The following DYNC1H1 variants were observed in gnomAD, a reference collection of about 807,000 sequenced individuals.
DYNC1H1 encodes the protein dynein cytoplasmic 1 heavy chain 1, also known as cytoplasmic dynein 1 heavy chain 1.
In DYNC1H1, 51 loss-of-function variants were observed where a neutral mutation model predicts 527.1. The ratio of observed to expected loss-of-function variants is 0.10; its 90% CI spans 0.08 to 0.12. The LOEUF is 0.12. DYNC1H1 is among the 10% of genes least tolerant of loss of function. The pLI is 1.00. For missense variants in DYNC1H1, 2,771 were observed against 5,971.8 expected (o/e 0.46, Z 17.66); for synonymous variants, 2,189 against 2,278.8 (o/e 0.96, Z 1.12).
chr14:101,993,038 C>G (rs2048016237), intron 11 of DYNC1H1, among the ~76,000 whole-genome samples: 1 of 151,848 alleles, frequency 6.6e-6, no homozygotes. Flanking sequence ...CCAGGCTTGT[C>G]TGGGCAGCTA....
In DYNC1H1 at chr14:102,050,875, G is replaced by A. The variant is rs566365689; in HGVS notation, c.*312G>A. On this transcript the variant is annotated 3_prime_UTR_variant, in exon 78 of 78. Coordinates refer to ENST00000360184, the MANE Select transcript of DYNC1H1 (RefSeq NM_001376.5). ...ATGCTGCCCAGGGAGGGCAGCCCAC[G>A]GCAGCCATGCCCCTCCCCACCTCGC... The A allele has an allele frequency of 5.4e-5, 21 of 392,160 alleles. No homozygotes were observed. Among genetic ancestry groups the A allele is most frequent in the South Asian group, 3.5e-4 (16 of 45,934 alleles). The allele number at this position is 392,160 out of a possible 1,614,324, so 24.3% of individuals were successfully genotyped here. A position where few individuals can be genotyped will look rare whatever the true frequency, so the allele number is the denominator to read the frequency against.
Position 101,979,310 on chromosome 14 carries a change from TC to T in DYNC1H1, c.345-8del, listed in dbSNP as rs2047836588. ...CTTTTCTAATTTCTTGTTTTATTTT[TC>T]TTTTTAGCTTGGCATTCATTAAACG... is the stretch of plus-strand genomic sequence containing the variant. On this transcript the variant is annotated splice_polypyrimidine_tract_variant and splice_region_variant and intron_variant, in intron 2 of 77. Coordinates refer to ENST00000360184, the MANE Select transcript of DYNC1H1 (RefSeq NM_001376.5). The surrounding 1 kb of genome is among the most constrained non-coding windows in gnomAD (Gnocchi z 4.6). 1.2e-6 allele frequency: 2 copies of T among 1,613,900 alleles called. No individual in the cohort carries two copies. The highest frequency in any genetic ancestry group is 8.5e-7 in the Non-Finnish European group (1 of 1,179,930).
At chr14:101,989,251 T>C (rs577953741) in intron 10 of DYNC1H1, among the ~76,000 whole-genome samples, 41 of 152,342 alleles carry the variant, frequency 2.7e-4, no homozygotes, top group Non-Finnish European at 5.1e-4. Context: ...TTACCATTCA[T>C]GCAATAAATT....
Position 102,041,024 on chromosome 14 carries a change from G to A in DYNC1H1, c.11941+351G>A, listed in dbSNP as rs1167097805. 2 of 395,172 alleles carry A rather than the reference G, an allele frequency of 5.1e-6. No homozygotes were observed. Among genetic ancestry groups the A allele is most frequent in the African/African-American group, 4.1e-5 (2 of 48,572 alleles). 24.5% of individuals were successfully genotyped at this position (395,172 alleles called of 1,614,324 possible). On this transcript the variant is annotated intron_variant, in intron 64 of 77. Coordinates refer to ENST00000360184, the MANE Select transcript of DYNC1H1 (RefSeq NM_001376.5). This position sits in a 1 kb window ranked among gnomAD's most constrained non-coding sequence, Gnocchi z 4.5. ...TAAAACTTTTTAAGGAAACCACTTA[G>A]GGAGATCGCTTCTAGGTAGGTGTTG...
At position 102,022,782 on chromosome 14, in the gene DYNC1H1, G is replaced by A; in HGVS notation, c.8539G>A (p.Asp2847Asn). The A allele has an allele frequency of 6.2e-7, 1 of 1,614,200 alleles. No homozygotes were observed. Among genetic ancestry groups the A allele is most frequent in the Non-Finnish European group, 8.5e-7 (1 of 1,180,032 alleles). Residue 2847 changes from aspartate to asparagine, a missense_variant, in exon 43 of 78, where the codon GAT becomes AAT. Asp to Asn is a conservative substitution (Grantham distance 23). Transcript: ENST00000360184. ...AGAGGATGAGGAGAGGCGTTGGACT[G>A]ATGAGAACATCGACACGGTTGCTCT... ...LVEDEERRWT[D>N]ENIDTVALKH...
Position 102,016,781 on chromosome 14 carries a change from G to T in DYNC1H1, c.7630G>T (p.Glu2544Ter). 1 of 1,613,844 alleles carries T rather than the reference G, an allele frequency of 6.2e-7. No individual in the cohort carries two copies. Among genetic ancestry groups the T allele is most frequent in the Non-Finnish European group, 8.5e-7 (1 of 1,179,994 alleles). The change falls in exon 38 of 78, where the codon GAA (glutamate) becomes TAA (stop). Residue 2544 changes from glutamate to a stop codon, truncating the protein, a stop_gained. Coordinates refer to ENST00000360184, the MANE Select transcript of DYNC1H1 (RefSeq NM_001376.5). LOFTEE classifies it high-confidence loss of function. This position sits in a 1 kb window ranked among gnomAD's most constrained non-coding sequence, Gnocchi z 7.3. ...IIDYEVSISGEWSPWQAKVPQ... is the reference protein window; with the variant it reads ...IIDYEVSISG ...CCGTGTGTAGGTGTCCATCAGCGGA[G>T]AATGGTCTCCGTGGCAGGCCAAGGT...
intron 1 of DYNC1H1, chr14:101,969,477 C>G (rs1230122488): frequency 6.5e-6 from 1 of 154,188 alleles, no homozygotes; most frequent in East Asian, 1.8e-4. Context: ...CTTTCTGTCC[C>G]TAGTAAAATC....
At chr14:102,043,283 CA>C (rs10673572) in intron 69 of DYNC1H1, 4,144 of 117,828 alleles carry the variant, frequency 0.035, no homozygotes, top group South Asian at 0.099. Flanking sequence ...GACCCCGTCT[CA>C]AAAAAAAAAA....
intron 15 of DYNC1H1, 39 bp downstream of exon 15, chr14:101,995,339 T>G (rs1356216187): frequency 6.2e-7 from 1 of 1,612,526 alleles, no homozygotes; most frequent in Non-Finnish European, 8.5e-7. Context: ...TGGCTGGGCG[T>G]GGTGGCTCAC....
chr14:101,985,646 G>A lies in DYNC1H1; in HGVS notation c.1462-41G>A, dbSNP rs2983422. 0.13 allele frequency: 214,976 copies of A among 1,610,484 alleles called. 17,674 individuals carry two copies. Among genetic ancestry groups the A allele is most frequent in the African/African-American group, 0.36 (26,931 of 74,840 alleles). ...GCTTAAAATAAATTTTAAAGCCTTC[G>A]TTTGGTCAGCATTTCTTGATTACAT... On this transcript the variant is annotated intron_variant, in intron 7 of 77. Coordinates refer to ENST00000360184, the MANE Select transcript of DYNC1H1 (RefSeq NM_001376.5). The surrounding 1 kb of genome is among the most constrained non-coding windows in gnomAD (Gnocchi z 5.9).
rs1434828831 is a variant in DYNC1H1, at chr14:101,986,919, C to T, written c.2538+156C>T. Among the ~76,000 whole-genome samples the T allele has an allele frequency of 6.6e-5, 10 of 152,170 alleles. No homozygotes were observed. The highest frequency in any genetic ancestry group is 4.1e-4 in the South Asian group (2 of 4,830). On this transcript the variant is annotated intron_variant, in intron 8 of 77. Coordinates refer to ENST00000360184, the MANE Select transcript of DYNC1H1 (RefSeq NM_001376.5). The surrounding 1 kb of genome is among the most constrained non-coding windows in gnomAD (Gnocchi z 8.7). ...AGGGAGGAGGACCCTTTGTACTCAC[C>T]GGGCTATTTAATGGTGCTGGGTTTT...
chr14:102,048,136 T>A, intron 73 of DYNC1H1, 108 bp downstream of exon 73: 1 of 1,375,876 alleles, frequency 7.3e-7, no homozygotes, highest in East Asian at 2.5e-5. Context: ...GGACGGAACG[T>A]ACTCACACCG....
In DYNC1H1 at chr14:102,041,578, C is replaced by T. The variant is rs1387430195; in HGVS notation, c.11946C>T (p.Pro3982=). ...ACCCCTCTGTACCTGTTTCAGCACC[C>T]ATTGGCCAGGCCATCCACCGCCTGC... ...YLWSEETPAT[P]IGQAIHRLLL... is the part of the protein sequence containing the mutation. The change falls in exon 65 of 78, where the codon CCC becomes CCT. Residue 3982 remains proline, a synonymous_variant. Transcript: ENST00000360184. This position sits in a 1 kb window ranked among gnomAD's most constrained non-coding sequence, Gnocchi z 4.5. 1 of 1,614,112 alleles carries T rather than the reference C, an allele frequency of 6.2e-7. No homozygotes were observed. The highest frequency in any genetic ancestry group is 2.2e-5 in the East Asian group (1 of 44,880).
Position 101,986,983 on chromosome 14 carries a change from G to A in DYNC1H1, c.2538+220G>A, listed in dbSNP as rs1376944951. On this transcript the variant is annotated intron_variant, in intron 8 of 77. Coordinates refer to ENST00000360184, the MANE Select transcript of DYNC1H1 (RefSeq NM_001376.5). The surrounding 1 kb of genome is among the most constrained non-coding windows in gnomAD (Gnocchi z 8.7). Reference sequence around the variant, plus strand: ...AGTAACAACCTGAGTTTAGAAACAGGTGGAGAGCTAAAGGACACAGGAGTC... The same window carrying A: ...AGTAACAACCTGAGTTTAGAAACAGATGGAGAGCTAAAGGACACAGGAGTC... Among the ~76,000 whole-genome samples the A allele has an allele frequency of 4.6e-5, 7 of 152,224 alleles. No homozygotes were observed. The highest frequency in any genetic ancestry group is 1.7e-4 in the African/African-American group (7 of 41,460).
intron 72 of DYNC1H1, 176 bp from the exon 73 acceptor site, chr14:102,047,641 G>GTGTGTA: frequency 4.8e-4 from 153 of 316,676 alleles, no homozygotes; most frequent in African/African-American, 1.0e-3. Context: ...GTGTGTGTGT[G>GTGTGTA]TATATATATA....
chr14:102,018,688 T>C lies in DYNC1H1; in HGVS notation c.8343+72T>C, dbSNP rs993853800. On this transcript the variant is annotated intron_variant, in intron 41 of 77. Coordinates refer to ENST00000360184, the MANE Select transcript of DYNC1H1 (RefSeq NM_001376.5). The surrounding 1 kb of genome is among the most constrained non-coding windows in gnomAD (Gnocchi z 5.2). The stretch of plus-strand genomic sequence containing the variant: ...ATTAAGGCACTCGATTGGTCAGGTG[T>C]GGTGGTTCACACCTGTAATCCCAGC... 1.9e-6 allele frequency: 3 copies of C among 1,574,774 alleles called. No individual in the cohort carries two copies. The highest frequency in any genetic ancestry group is 2.6e-6 in the Non-Finnish European group (3 of 1,162,562).
At position 102,033,814 on chromosome 14, in the gene DYNC1H1, A is replaced by T; in HGVS notation, c.10414-162A>T. On this transcript the variant is annotated intron_variant, in intron 54 of 77. Transcript: ENST00000360184. This position sits in a 1 kb window ranked among gnomAD's most constrained non-coding sequence, Gnocchi z 5.6. ...TCTGAGTCGTGTGTGGTCATTAGTT[A>T]TATATGATCTGGGTCTCATCTCCTC... The T allele has an allele frequency of 1.3e-6, 1 of 773,828 alleles. No homozygotes were observed. Among genetic ancestry groups the T allele is most frequent in the Non-Finnish European group, 2.1e-6 (1 of 466,412 alleles). The allele number at this position is 773,828 out of a possible 1,614,324, so 47.9% of individuals were successfully genotyped here. A position where few individuals can be genotyped will look rare whatever the true frequency, so the allele number is the denominator to read the frequency against.
rs1459291895 is a variant in DYNC1H1 at position 102,041,129 on chromosome 14, T to G, written c.11942-445T>G. 5.8e-6 allele frequency: 2 copies of G among 345,196 alleles called. No homozygotes were observed. Among genetic ancestry groups the G allele is most frequent in the Admixed American group, 8.5e-5 (2 of 23,534 alleles). The allele number at this position is 345,196 out of a possible 1,614,324, so 21.4% of individuals were successfully genotyped here. On this transcript the variant is annotated intron_variant, in intron 64 of 77. Transcript: ENST00000360184. This position sits in a 1 kb window ranked among gnomAD's most constrained non-coding sequence, Gnocchi z 4.5. ...ACAAGAGAACTAGATGGGGAACTCC[T>G]GCCTAATGCTAAGGAGTTAACTGGC... is the stretch of plus-strand genomic sequence containing the variant.
At chr14:102,048,161 C>A in intron 73 of DYNC1H1, 133 bp downstream of exon 73, 6 of 1,200,780 alleles carry the variant, frequency 5.0e-6, no homozygotes, top group South Asian at 1.4e-5. Context: ...CACCTCAGAG[C>A]AGGTGTCCAG....
Sources: gnomAD v4.1 joint callset for allele counts (sites outside exome capture counted in the v4.1 genomes callset) on GRCh38, gnomAD v4.1.1 for gene constraint, Gnocchi (gnomAD v3.1) non-coding constraint, MANE v1.5 for transcripts, NCBI Gene and HGNC (gene_info 2026-07-23, HGNC 2026-07-21) for gene names.